The following RBFOX3 variants were observed in gnomAD, a reference collection of about 807,000 sequenced individuals.
RBFOX3 encodes the protein RNA binding fox-1 homolog 3, also known as RNA binding protein fox-1 homolog 3.
In RBFOX3, 17 loss-of-function variants were observed where a neutral mutation model predicts 48.7. The observed-to-expected ratio is 0.35, with a 90% CI of 0.24 to 0.52. RBFOX3 has a LOEUF of 0.52. RBFOX3 is among the 20% of genes least tolerant of loss of function. The pLI is 0.94. For missense variants in RBFOX3, 382 were observed against 497.5 expected (o/e 0.77, Z 2.21); for synonymous variants, 212 against 209.5 (o/e 1.01, Z -0.10).
chr17:79,522,307 C>G (rs2086216990), intron 1 of RBFOX3, among the ~76,000 whole-genome samples: 1 of 152,052 alleles, frequency 6.6e-6, no homozygotes, highest in African/African-American at 2.4e-5. Context: ...AAAGGCAGCC[C>G]TGAGCCTTAA....
intron 4 of RBFOX3, among the ~76,000 whole-genome samples, chr17:79,133,901 C>T (rs550568333): frequency 1.1e-4 from 17 of 152,232 alleles, no homozygotes; most frequent in Non-Finnish European, 2.2e-4. Flanking sequence ...CTCTCTCCCC[C>T]AGGGTTCCAG....
At chr17:79,647,275 T>C in the RBFOX3 span, among the ~76,000 whole-genome samples, 2 of 152,132 alleles carry the variant, frequency 1.3e-5, no homozygotes, top group Admixed American at 1.3e-4. Context: ...TCCATGGGAA[T>C]GGCTCCCAGG....
At chr17:79,416,916 G>A (rs1240971372) in intron 2 of RBFOX3, among the ~76,000 whole-genome samples, 1 of 152,252 alleles carries the variant, frequency 6.6e-6, no homozygotes, top group Non-Finnish European at 1.5e-5. Context: ...CTGGCTGGCA[G>A]GTTGGGCAGG....
intron 2 of RBFOX3, among the ~76,000 whole-genome samples, chr17:79,426,215 T>C (rs1555725449): frequency 6.6e-6 from 1 of 152,146 alleles, no homozygotes; most frequent in East Asian, 1.9e-4. Context: ...GGGGCCCACC[T>C]TTCCGGCAGC....
rs1380550370 is a variant in RBFOX3, at chr17:79,212,271, C to T, written c.-34+23495G>A. The stretch of plus-strand genomic sequence containing the variant: ...GGGTTCTTCCAGGCTGGGGCTGGGG[C>T]TGGGGCAGGGCTGCTCCGCCTGGGC... On this transcript the variant is annotated intron_variant, in intron 4 of 14. Coordinates refer to ENST00000693108, the MANE Select transcript of RBFOX3 (RefSeq NM_001350451.2). This position sits in a 1 kb window ranked among gnomAD's most constrained non-coding sequence, Gnocchi z 4.7. 2.0e-5 allele frequency among the ~76,000 whole-genome samples: 3 copies of T among 152,190 alleles called. No individual in the cohort carries two copies. The highest frequency in any genetic ancestry group is 2.9e-5 in the Non-Finnish European group (2 of 68,022).
the RBFOX3 span, among the ~76,000 whole-genome samples, chr17:79,652,594 G>GAGGAGAGGAA: frequency 3.8e-4 from 9 of 23,910 alleles, no homozygotes; most frequent in Admixed American, 1.0e-3. Context: ...GAGGAGAGGA[G>GAGGAGAGGAA]AGGAGAGGAA....
chr17:79,090,950 G>T, intron 14 of RBFOX3, 65 bp from the exon 15 acceptor site: 1 of 1,501,756 alleles, frequency 6.7e-7, no homozygotes, highest in Non-Finnish European at 8.9e-7. Flanking sequence ...GTGTGAAGGC[G>T]ACAGGACCAC....
chr17:79,281,640 C>T (rs1417943363), intron 3 of RBFOX3, among the ~76,000 whole-genome samples: 1 of 152,222 alleles, frequency 6.6e-6, no homozygotes, highest in East Asian at 1.9e-4. Context: ...GCACTCACAT[C>T]TCTGCACCGC....
chr17:79,325,395 G>T (rs936827109), intron 2 of RBFOX3, among the ~76,000 whole-genome samples: 1 of 152,146 alleles, frequency 6.6e-6, no homozygotes, highest in African/African-American at 2.4e-5. Flanking sequence ...TGGCATCAGA[G>T]GGACTAATTT....
chr17:79,477,437 T>G lies in RBFOX3; in HGVS notation c.-175+5017A>C, dbSNP rs1324923207. 6.6e-6 allele frequency among the ~76,000 whole-genome samples: 1 copy of G among 151,362 alleles called. No homozygotes were observed. Among genetic ancestry groups the G allele is most frequent in the Non-Finnish European group, 1.5e-5 (1 of 67,928 alleles). ...CAGACGTGGTGGCGGGCGCCTGTAG[T>G]CCCAGCTACTTGGGAGGCTGAGGCA... is the stretch of plus-strand genomic sequence containing the variant. On this transcript the variant is annotated intron_variant, in intron 2 of 14. Transcript: ENST00000693108. This position sits in a 1 kb window ranked among gnomAD's most constrained non-coding sequence, Gnocchi z 4.8.
chr17:79,267,824 C>T (rs1292144394), intron 3 of RBFOX3, among the ~76,000 whole-genome samples: 2 of 152,136 alleles, frequency 1.3e-5, no homozygotes, highest in Admixed American at 6.5e-5. Flanking sequence ...GGTGTGGAAA[C>T]CTGGGCGTGT....
chr17:79,178,448 A>G (rs1212287580), intron 4 of RBFOX3, among the ~76,000 whole-genome samples: 3 of 152,238 alleles, frequency 2.0e-5, no homozygotes, highest in African/African-American at 7.2e-5. Context: ...TTCGTTGTTC[A>G]GGAGAAAGCG....
intron 4 of RBFOX3, among the ~76,000 whole-genome samples, chr17:79,157,505 G>A (rs958509126): frequency 1.3e-5 from 2 of 152,354 alleles, no homozygotes; most frequent in African/African-American, 4.8e-5. Context: ...GCGAGAACTG[G>A]CCGGTGCCAC....
intron 3 of RBFOX3, among the ~76,000 whole-genome samples, chr17:79,256,913 C>T (rs949925833): frequency 2.6e-5 from 4 of 150,960 alleles, no homozygotes; most frequent in Admixed American, 2.0e-4. Flanking sequence ...CAGAGTGAGA[C>T]ACCATCTCAA....
At chr17:79,091,540 G>A (rs1251167386) in intron 14 of RBFOX3, among the ~76,000 whole-genome samples, 1 of 152,224 alleles carries the variant, frequency 6.6e-6, no homozygotes, top group Non-Finnish European at 1.5e-5. Flanking sequence ...GGCTGAGGAA[G>A]GAGTGGCCCG....
At position 79,103,305 on chromosome 17, in the gene RBFOX3, G is replaced by A. The variant is rs369073600; in HGVS notation, c.415-51C>T. The A allele has an allele frequency of 2.2e-5, 27 of 1,234,274 alleles. No homozygotes were observed. In the Admixed American group the frequency reaches 4.6e-4, roughly 21 times the overall value. The allele number at this position is 1,234,274 out of a possible 1,614,324, so 76.5% of individuals were successfully genotyped here. A position where few individuals can be genotyped will look rare whatever the true frequency, so the allele number is the denominator to read the frequency against. On this transcript the variant is annotated intron_variant, in intron 7 of 14. Transcript: ENST00000693108. This position sits in a 1 kb window ranked among gnomAD's most constrained non-coding sequence, Gnocchi z 6.1. Reference sequence around the variant, plus strand: ...AGGCACGGAGAGGAGGACACAGGGCGAGAAAGAGGAGGAAGACGAGGAAGA... The same window carrying A: ...AGGCACGGAGAGGAGGACACAGGGCAAGAAAGAGGAGGAAGACGAGGAAGA...
intron 3 of RBFOX3, among the ~76,000 whole-genome samples, chr17:79,256,094 T>C (rs946650305): frequency 2.6e-5 from 4 of 151,762 alleles, no homozygotes; most frequent in Admixed American, 2.0e-4. Flanking sequence ...TAGCAGTCCA[T>C]GGTAGGGAAG....
intron 2 of RBFOX3, among the ~76,000 whole-genome samples, chr17:79,447,980 C>A (rs2072684401): frequency 6.6e-6 from 1 of 152,120 alleles, no homozygotes. Context: ...GTGTGTAGCA[C>A]CTCCCCCTTC....
At chr17:79,372,842 G>A (rs531051589) in intron 2 of RBFOX3, among the ~76,000 whole-genome samples, 1 of 152,346 alleles carries the variant, frequency 6.6e-6, no homozygotes, top group East Asian at 1.9e-4. Context: ...GCTGGGGGAA[G>A]CTGACAGAAA....
Sources: gnomAD v4.1 joint callset for allele counts (sites outside exome capture counted in the v4.1 genomes callset) on GRCh38, gnomAD v4.1.1 for gene constraint, Gnocchi (gnomAD v3.1) non-coding constraint, MANE v1.5 for transcripts, NCBI Gene and HGNC (gene_info 2026-07-23, HGNC 2026-07-21) for gene names.